PEX5L: variants seen among roughly 807,000 people sequenced by gnomAD.
PEX5L encodes the protein peroxisomal biogenesis factor 5 like.
A neutral mutation model predicts 84.0 loss-of-function variants in PEX5L; 30 were observed. That is an observed-to-expected ratio of 0.36 (90% CI 0.27 to 0.48). The LOEUF (loss-of-function observed/expected upper bound fraction) is 0.48. Among genes scored for constraint, PEX5L ranks in the 20% least tolerant of loss-of-function variants. The pLI, the probability that PEX5L is intolerant of heterozygous loss-of-function variation, is 0.99. For missense variants in PEX5L, 533 were observed against 754.6 expected, an observed-to-expected ratio of 0.71 and a Z score of 3.44; for synonymous variants, 270 against 283.1, an observed-to-expected ratio of 0.95 and a Z score of 0.46.
intron 9 of PEX5L, 149 bp from the exon 10 acceptor site, chr3:179,816,153 T>A: frequency 1.4e-6 from 1 of 708,472 alleles, no homozygotes; most frequent in East Asian, 2.7e-5. Flanking sequence ...GGTGGGAGTG[T>A]AAATTAGTTC....
At position 179,801,459 on chromosome 3, in the gene PEX5L, G is replaced by C. The variant is rs1383810299; in HGVS notation, c.*369C>G. Reference sequence around the variant, plus strand: ...CAATCTGAGGCAGTGCTTTTTCCATGTTTCCCATGAACAAGTTCCTCAGAT... The same window carrying C: ...CAATCTGAGGCAGTGCTTTTTCCATCTTTCCCATGAACAAGTTCCTCAGAT... On this transcript the variant is annotated 3_prime_UTR_variant, in exon 15 of 15. Transcript: ENST00000467460. The C allele has an allele frequency of 4.8e-6, 1 of 210,022 alleles. No individual in the cohort carries two copies. Among genetic ancestry groups the C allele is most frequent in the African/African-American group, 2.3e-5 (1 of 43,462 alleles). The allele number at this position is 210,022 out of a possible 1,614,324, so 13.0% of individuals were successfully genotyped here.
intron 1 of PEX5L, among the ~76,000 whole-genome samples, chr3:180,032,607 A>C (rs778330006): frequency 6.6e-6 from 1 of 152,208 alleles, no homozygotes; most frequent in South Asian, 2.1e-4. Flanking sequence ...TAATCCTAGC[A>C]CTGTGGGAGG....
intron 7 of PEX5L, among the ~76,000 whole-genome samples, chr3:179,862,265 C>T (rs778059532): frequency 2.6e-5 from 4 of 152,198 alleles, no homozygotes; most frequent in Admixed American, 6.5e-5. Context: ...GCCTCCTTCT[C>T]CAGAGTCCTG....
At chr3:179,853,446 C>T (rs1742707352) in intron 8 of PEX5L, among the ~76,000 whole-genome samples, 1 of 152,168 alleles carries the variant, frequency 6.6e-6, no homozygotes, top group Non-Finnish European at 1.5e-5. Flanking sequence ...CTTCTCTCTC[C>T]TCTGCAGATG....
At chr3:179,948,933 A>AGGG (rs1778345079) in intron 2 of PEX5L, among the ~76,000 whole-genome samples, 3 of 152,230 alleles carry the variant, frequency 2.0e-5, no homozygotes, top group African/African-American at 7.2e-5. Context: ...GTATATCTAC[A>AGGG]TTCGTGCAAA....
chr3:179,927,144 C>T (rs114466147), intron 2 of PEX5L, among the ~76,000 whole-genome samples: 2,366 of 152,186 alleles, frequency 0.016, 25 homozygotes, highest in Non-Finnish European at 0.024. Context: ...CATTTGGGAT[C>T]GCTGGTGAAC....
intron 8 of PEX5L, among the ~76,000 whole-genome samples, chr3:179,830,580 T>G (rs1376130257): frequency 6.6e-6 from 1 of 152,184 alleles, no homozygotes; most frequent in Non-Finnish European, 1.5e-5. Context: ...CTAGGTAGTT[T>G]CTGTTATACC....
intron 8 of PEX5L, among the ~76,000 whole-genome samples, chr3:179,824,443 C>T (rs1401122886): frequency 5.3e-5 from 8 of 152,036 alleles, no homozygotes; most frequent in African/African-American, 1.2e-4. Context: ...TGGTGGCTCA[C>T]GCCTGTAATC....
intron 4 of PEX5L, among the ~76,000 whole-genome samples, chr3:179,886,889 C>T (rs189259921): frequency 3.3e-5 from 5 of 152,294 alleles, no homozygotes; most frequent in East Asian, 3.9e-4. Context: ...CATTAAATTC[C>T]GCTCTGCACA....
chr3:179,920,458 T>C (rs1768931424), intron 2 of PEX5L, among the ~76,000 whole-genome samples: 1 of 152,124 alleles, frequency 6.6e-6, no homozygotes. Flanking sequence ...ATCAGAAGCA[T>C]TTGAAAAAAA....
chr3:179,865,490 C>G (rs1310877638), intron 7 of PEX5L, among the ~76,000 whole-genome samples: 4 of 151,754 alleles, frequency 2.6e-5, no homozygotes, highest in Non-Finnish European at 5.9e-5. Context: ...TGGTAAAGAT[C>G]AGCCTTCCTT....
chr3:179,853,472 T>A (rs1364085014), intron 8 of PEX5L, among the ~76,000 whole-genome samples: 1 of 152,156 alleles, frequency 6.6e-6, no homozygotes, highest in Non-Finnish European at 1.5e-5. Context: ...TAATTCTCTG[T>A]AGAAATCTCC....
intron 2 of PEX5L, among the ~76,000 whole-genome samples, chr3:179,932,592 A>G (rs1405315915): frequency 6.6e-6 from 1 of 152,230 alleles, no homozygotes; most frequent in Non-Finnish European, 1.5e-5. Context: ...CACAAGAGAT[A>G]GGATTTCAAA....
At chr3:179,823,936 T>A (rs1729415146) in intron 8 of PEX5L, among the ~76,000 whole-genome samples, 1 of 152,246 alleles carries the variant, frequency 6.6e-6, no homozygotes, top group East Asian at 1.9e-4. Context: ...TATTTAATAA[T>A]CTCCAAAAAT....
At chr3:179,875,099 T>G (rs549648318) in intron 6 of PEX5L, among the ~76,000 whole-genome samples, 5 of 152,210 alleles carry the variant, frequency 3.3e-5, no homozygotes, top group African/African-American at 1.2e-4. Flanking sequence ...TTAGCACAGT[T>G]ACACATTCAG....
At chr3:179,855,384 G>A (rs1046388236) in intron 8 of PEX5L, among the ~76,000 whole-genome samples, 1 of 152,092 alleles carries the variant, frequency 6.6e-6, no homozygotes, top group African/African-American at 2.4e-5. Flanking sequence ...TCTTTGTCTT[G>A]AAATAAAGAA....
intron 8 of PEX5L, among the ~76,000 whole-genome samples, chr3:179,833,125 T>C (rs1733757763): frequency 1.3e-5 from 2 of 152,174 alleles, no homozygotes; most frequent in Admixed American, 6.5e-5. Context: ...CAAAGAGAGA[T>C]AAATTAGGAA....
At chr3:179,986,607 T>A (rs1786870070) in intron 1 of PEX5L, among the ~76,000 whole-genome samples, 1 of 152,098 alleles carries the variant, frequency 6.6e-6, no homozygotes, top group Non-Finnish European at 1.5e-5. Context: ...TTTCACCGTG[T>A]TAGCCAGGAT....
At chr3:180,008,994 C>T (rs1347747698) in intron 1 of PEX5L, among the ~76,000 whole-genome samples, 2 of 152,254 alleles carry the variant, frequency 1.3e-5, no homozygotes, top group East Asian at 3.9e-4. Flanking sequence ...AAGGTTTAAC[C>T]TCATTTCATT....
Sources: allele counts gnomAD v4.1 joint callset (sites outside exome capture counted in the v4.1 genomes callset), GRCh38; gene constraint gnomAD v4.1.1; transcripts MANE v1.5; gene names NCBI Gene and HGNC (gene_info 2026-07-23, HGNC 2026-07-21).